Variants in POLQ observed in about 807,000 individuals in gnomAD.
POLQ encodes the protein DNA polymerase theta, also known as epididymis secretory sperm binding protein.
In POLQ, 233 loss-of-function variants were observed where a neutral mutation model predicts 259.2. That is an observed-to-expected ratio of 0.90 (90% confidence interval 0.81 to 1.00). POLQ has a LOEUF of 1.00. POLQ is among the 50% of genes least tolerant of loss of function. POLQ has a pLI of 0.00. For synonymous variants in POLQ, 1,025 were observed against 1,048.8 expected, an observed-to-expected ratio of 0.98 and a Z score of 0.44; for missense variants, 2,871 against 3,051.6, an observed-to-expected ratio of 0.94 and a Z score of 1.39.
chr3:121,441,994 T>G (rs1450756990), intron 26 of POLQ, among the ~76,000 whole-genome samples: 1 of 152,226 alleles, frequency 6.6e-6, no homozygotes, highest in Admixed American at 6.5e-5. Context: ...TTTGGTAAAG[T>G]GTCTCTTCAA....
At chr3:121,452,538 T>G (rs2047687818) in intron 25 of POLQ, among the ~76,000 whole-genome samples, 3 of 150,610 alleles carry the variant, frequency 2.0e-5, no homozygotes, top group Admixed American at 1.3e-4. Flanking sequence ...GTCTGAGATC[T>G]CAGCAAGGCT....
At chr3:121,480,981 G>T (rs758031650) in intron 19 of POLQ, among the ~76,000 whole-genome samples, 5 of 152,094 alleles carry the variant, frequency 3.3e-5, no homozygotes, top group Non-Finnish European at 7.3e-5. Context: ...CATCCGTTAA[G>T]CTCTCTGTAG....
chr3:121,439,465 G>A lies in POLQ; in HGVS notation c.7389+527C>T, dbSNP rs188257237. Among the ~76,000 whole-genome samples the A allele has an allele frequency of 2.9e-3, 439 of 152,080 alleles. 1 individual carries two copies. The highest frequency in any genetic ancestry group is 4.1e-3 in the Non-Finnish European group (281 of 67,972). On this transcript the variant is annotated intron_variant, in intron 27 of 29. Coordinates refer to ENST00000264233, the MANE Select transcript of POLQ (RefSeq NM_199420.4). Reference sequence around the variant, plus strand: ...CCAAGCTGGTCTCAAACTCCTGGGCGCAAGCAATCCTCCTGCCTCAGCCTT... The same window carrying A: ...CCAAGCTGGTCTCAAACTCCTGGGCACAAGCAATCCTCCTGCCTCAGCCTT...
rs1173328705 is a variant in POLQ, at chr3:121,489,664, C to T, written c.3267G>A (p.Thr1089=). ...EDPFTLDEKK[T]EFRNSGPFAK... Reference sequence around the variant, plus strand: ...CAAATGGCCCTGAATTTCTAAATTCCGTTTTCTTCTCATCTAAGGTAAACG... The same window carrying T: ...CAAATGGCCCTGAATTTCTAAATTCTGTTTTCTTCTCATCTAAGGTAAACG... The change falls in exon 16 of 30, where the codon ACG becomes ACA. Residue 1089 remains threonine, a synonymous_variant. Transcript: ENST00000264233. 10 of 1,613,848 alleles carry T rather than the reference C, an allele frequency of 6.2e-6. No homozygotes were observed. Among genetic ancestry groups the T allele is most frequent in the East Asian group, 2.2e-5 (1 of 44,892 alleles).
chr3:121,489,900 T>C lies in POLQ; in HGVS notation c.3031A>G (p.Ser1011Gly). 1 of 1,598,492 alleles carries C rather than the reference T, an allele frequency of 6.3e-7. No individual in the cohort carries two copies. The highest frequency in any genetic ancestry group is 8.5e-7 in the Non-Finnish European group (1 of 1,176,250). ...AAAGTCTGAACAACTTTCTTATCAC[T>C]TGTTTTCCCCTCATTCTGAGAGGCT... ...PGASQNEGKT[S>G]DKKVVQTFSQ... The change falls in exon 16 of 30, where the codon AGT becomes GGT. Residue 1011 changes from serine (S) to glycine (G), a missense_variant. Coordinates refer to ENST00000264233, the MANE Select transcript of POLQ (RefSeq NM_199420.4).
chr3:121,528,675 G>A (rs1007171567), intron 7 of POLQ, among the ~76,000 whole-genome samples: 2 of 151,996 alleles, frequency 1.3e-5, no homozygotes, highest in African/African-American at 4.8e-5. Flanking sequence ...GATTTGGGCC[G>A]GGCACAGTGG....
In POLQ at chr3:121,488,208, T is replaced by C; in HGVS notation, c.4723A>G (p.Ile1575Val). ...TGATTCTTCTCTTGGACAGGAAATA[T>C]ATCCACATTGTCCAAAGCTTCAACC... ...QMVEALDNVD[I>V]FPVQEKNHTV... Residue 1575 changes from isoleucine to valine, a missense_variant, in exon 16 of 30, where the codon ATA (isoleucine) becomes GTA (valine). Transcript: ENST00000264233. 1.9e-6 allele frequency: 3 copies of C among 1,613,572 alleles called. No individual in the cohort carries two copies. The highest frequency in any genetic ancestry group is 2.5e-6 in the Non-Finnish European group (3 of 1,179,882).
chr3:121,508,016 A>ATTTT lies in POLQ; in HGVS notation c.1959+1541_1959+1544dup, dbSNP rs4048669. ...TTACCGGCATGCACCACCATACACA[A>ATTTT]TTTTTTTTTTTTTTTTTTTGTTTGG... On this transcript the variant is annotated intron_variant, in intron 12 of 29. Coordinates refer to ENST00000264233, the MANE Select transcript of POLQ (RefSeq NM_199420.4). Among the ~76,000 whole-genome samples, 16 of 129,612 alleles carry ATTTT rather than the reference A, an allele frequency of 1.2e-4. 1 individual carries two copies. In the East Asian group the frequency reaches 1.6e-3, roughly 13 times the overall value. 85.0% of individuals were successfully genotyped at this position (129,612 alleles called of 152,430 possible).
intron 11 of POLQ, 65 bp from the exon 12 acceptor site, chr3:121,509,768 T>C: frequency 6.8e-7 from 1 of 1,469,988 alleles, no homozygotes; most frequent in Non-Finnish European, 9.3e-7. Context: ...AACAAAATAC[T>C]ATCTTTCTGT....
rs1050867828 is a variant in POLQ at position 121,544,719 on chromosome 3, T to G, written c.343+8A>C. 8 of 1,560,882 alleles carry G rather than the reference T, an allele frequency of 5.1e-6. No individual in the cohort carries two copies. The highest frequency in any genetic ancestry group is 6.2e-6 in the Non-Finnish European group (7 of 1,133,368). ...AAAATAGTAATTAGTTTACATAAAT[T>G]TGGATACCTGAATAAACTAAATTCT... On this transcript the variant is annotated splice_region_variant and intron_variant, in intron 2 of 29. Transcript: ENST00000264233.
chr3:121,470,123 T>C (rs2047871509), intron 22 of POLQ, among the ~76,000 whole-genome samples: 1 of 151,974 alleles, frequency 6.6e-6, no homozygotes, highest in Admixed American at 6.6e-5. Flanking sequence ...GCCAATATAG[T>C]GAAACACTGT....
intron 8 of POLQ, among the ~76,000 whole-genome samples, chr3:121,520,292 G>T (rs2048328761): frequency 2.0e-5 from 3 of 152,092 alleles, no homozygotes; most frequent in South Asian, 4.2e-4. Flanking sequence ...TCCCAGCAGT[G>T]TGGGAGGCTG....
At chr3:121,436,351 C>T (rs2030531) in intron 27 of POLQ, 76 bp from the exon 28 acceptor site, 949,502 of 1,444,142 alleles carry the variant, frequency 0.66, 314,460 homozygotes, top group East Asian at 0.89. Context: ...GTCCACAGTT[C>T]AGTGCTCACA....
chr3:121,482,258 C>T (rs1188494261), intron 18 of POLQ, among the ~76,000 whole-genome samples: 19 of 152,194 alleles, frequency 1.2e-4, no homozygotes, highest in Non-Finnish European at 2.9e-5. Context: ...GTGGCTGACA[C>T]CTGTAATCCC....
Position 121,489,449 on chromosome 3 carries a change from A to C in POLQ, c.3482T>G (p.Val1161Gly), listed in dbSNP as rs1355333560. 3 of 1,613,814 alleles carry C rather than the reference A, an allele frequency of 1.9e-6. No individual in the cohort carries two copies. Among genetic ancestry groups the C allele is most frequent in the Admixed American group, 3.3e-5 (2 of 59,972 alleles). The change falls in exon 16 of 30, where the codon GTA (valine) becomes GGA (glycine). Residue 1161 changes from valine to glycine, a missense_variant. Val to Gly is a moderately radical substitution (Grantham distance 109, BLOSUM62 -3). Transcript: ENST00000264233. The part of the protein sequence containing the change: ...TSVVSEKGRG[V>G]AVEAEKINEV... ...ATTTATTTTTTCTGCCTCAACAGCT[A>C]CTCCTCTGCCCTTTTCACTAACCAC...
chr3:121,495,688 CA>C (rs34616017), intron 14 of POLQ, among the ~76,000 whole-genome samples: 148,585 of 148,930 alleles, frequency 1, 74,120 homozygotes, highest in South Asian at 1. Flanking sequence ...ACTAAAAATA[CA>C]AAAAAAAAAA....
Position 121,493,479 on chromosome 3 carries a change from T to G in POLQ, c.2521A>C (p.Ser841Arg). The change falls in exon 15 of 30, where the codon AGT becomes CGT. Residue 841 changes from serine (S) to arginine (R), a missense_variant and splice_region_variant. Around this residue, in one of 3 missense-constraint regions of POLQ, gnomAD observed 2,080 missense variants for 2,126.0 expected, o/e 0.98. Coordinates refer to ENST00000264233, the MANE Select transcript of POLQ (RefSeq NM_199420.4). Reference protein sequence around the residue: ...VILKNAVPFKSARKAVDEEEE... With the variant: ...VILKNAVPFKRARKAVDEEEE... Reference sequence around the variant, plus strand: ...ATGTAGGTAAAGGTATTTTCTTACCTTTTGAAAGGCACAGCATTTTTCAGA... The same window carrying G: ...ATGTAGGTAAAGGTATTTTCTTACCGTTTGAAAGGCACAGCATTTTTCAGA... 1 of 1,611,260 alleles carries G rather than the reference T, an allele frequency of 6.2e-7. No individual in the cohort carries two copies. The highest frequency in any genetic ancestry group is 8.5e-7 in the Non-Finnish European group (1 of 1,177,886).
At chr3:121,490,562 G>C in intron 15 of POLQ, 154 bp from the exon 16 acceptor site, 1 of 647,514 alleles carries the variant, frequency 1.5e-6, no homozygotes, top group Non-Finnish European at 2.7e-6. Context: ...ATTCTAGCTG[G>C]GGAATTCAGA....
Position 121,452,985 on chromosome 3 carries a change from C to T in POLQ, c.7153-3559G>A, listed in dbSNP as rs540838519. Among the ~76,000 whole-genome samples the T allele has an allele frequency of 2.3e-3, 349 of 152,140 alleles. 1 individual carries two copies. Among genetic ancestry groups the T allele is most frequent in the Middle Eastern group, 0.014 (4 of 294 alleles). On this transcript the variant is annotated intron_variant, in intron 25 of 29. Coordinates refer to ENST00000264233, the MANE Select transcript of POLQ (RefSeq NM_199420.4). ...CCCCGAGCAGCCTAACTGGGAGGCACCCCCCAGTAGGGGCAGACTGACACC... is the reference window on the plus strand; with the variant it reads ...CCCCGAGCAGCCTAACTGGGAGGCATCCCCCAGTAGGGGCAGACTGACACC...
Sources: gnomAD v4.1 joint callset for allele counts (sites outside exome capture counted in the v4.1 genomes callset) on GRCh38, gnomAD v4.1.1 for gene constraint, gnomAD v4.1.1 regional missense constraint, MANE v1.5 for transcripts, NCBI Gene and HGNC (gene_info 2026-07-23, HGNC 2026-07-21) for gene names.